The following RAD51AP2 variants were observed in gnomAD, a reference collection of about 807,000 sequenced individuals.
The protein encoded by RAD51AP2 is RAD51 associated protein 2.
A neutral mutation model predicts 85.5 loss-of-function variants in RAD51AP2; 67 were observed. The observed-to-expected ratio is 0.78, with a 90% CI of 0.64 to 0.96. The LOEUF is 0.96. RAD51AP2 is among the 40% of genes least tolerant of loss of function. The pLI is 0.00. For missense variants in RAD51AP2, 1,307 were observed against 1,332.4 expected (o/e 0.98, Z 0.30); for synonymous variants, 474 against 446.5 (o/e 1.06, Z -0.78).
upstream of RAD51AP2, among the ~76,000 whole-genome samples, chr2:17,521,008 C>A (rs928327560): frequency 1.3e-5 from 2 of 152,060 alleles, no homozygotes; most frequent in Admixed American, 1.3e-4. Context: ...AACTGTAGAA[C>A]ACTTAAAATG....
Position 17,517,814 on chromosome 2 carries a change from G to C in RAD51AP2, c.602C>G (p.Thr201Ser), listed in dbSNP as rs779122428. ...CTTAATTTCATGAAATGGTGATTTAGTTTCCTTGTAAAAGGTAACATCTAA... is the reference window on the plus strand; with the variant it reads ...CTTAATTTCATGAAATGGTGATTTACTTTCCTTGTAAAAGGTAACATCTAA... ...PFLDVTFYKE[T>S]KSPFHEIKNR... Residue 201 changes from threonine to serine, a missense_variant, in exon 1 of 3, where the codon ACT becomes AGT. Coordinates refer to ENST00000399080, the MANE Select transcript of RAD51AP2 (RefSeq NM_001099218.3). 7 of 1,614,046 alleles carry C rather than the reference G, an allele frequency of 4.3e-6. No homozygotes were observed. The East Asian group carries it at 1.3e-4, about 31-fold the overall frequency.
chr2:17,514,912 CTT>C (rs960087317), intron 1 of RAD51AP2, among the ~76,000 whole-genome samples: 2 of 143,160 alleles, frequency 1.4e-5, no homozygotes, highest in Admixed American at 7.0e-5. Flanking sequence ...ATGAAAACAC[CTT>C]TTTTTTTTTT....
the RAD51AP2 span, among the ~76,000 whole-genome samples, chr2:17,532,701 A>C: frequency 1.3e-5 from 2 of 152,112 alleles, no homozygotes; most frequent in African/African-American, 4.8e-5. Context: ...AAAACAAAAA[A>C]CTAGATAGAT....
chr2:17,513,016 C>G (rs62130399), intron 2 of RAD51AP2, among the ~76,000 whole-genome samples: 2 of 152,032 alleles, frequency 1.3e-5, no homozygotes, highest in Non-Finnish European at 2.9e-5. Flanking sequence ...TATATTTAAC[C>G]TACAATGTTA....
chr2:17,524,452 C>T, the RAD51AP2 span, among the ~76,000 whole-genome samples: 1 of 151,916 alleles, frequency 6.6e-6, no homozygotes, highest in Admixed American at 6.6e-5. Flanking sequence ...AGTCTGGAGA[C>T]TTAGGGGAGA....
chr2:17,536,349 T>A, the RAD51AP2 span, among the ~76,000 whole-genome samples: 5 of 152,166 alleles, frequency 3.3e-5, no homozygotes, highest in African/African-American at 7.2e-5. Context: ...TACAAAGTCA[T>A]GAATGAAAAG....
the RAD51AP2 span, among the ~76,000 whole-genome samples, chr2:17,536,698 T>C: frequency 0.029 from 4,482 of 152,274 alleles, 65 homozygotes; most frequent in Middle Eastern, 0.054. Flanking sequence ...TGAATTTAGA[T>C]CCAGTCATGG....
Position 17,515,191 on chromosome 2 carries a change from T to C in RAD51AP2, c.3225A>G (p.Leu1075=). 1 of 1,578,154 alleles carries C rather than the reference T, an allele frequency of 6.3e-7. No individual in the cohort carries two copies. Among genetic ancestry groups the C allele is most frequent in the South Asian group, 1.2e-5 (1 of 84,002 alleles). ...TACCTTTCTCAGAAGTAGAGTAAAG[T>C]AATTCTTCCTCTGATCTACTTGGAT... ...SCYPSRSEEE[L]LYSTSEKDCE... The change falls in exon 1 of 3, where the codon TTA becomes TTG. Residue 1075 remains leucine, a synonymous_variant. Transcript: ENST00000399080.
intron 2 of RAD51AP2, among the ~76,000 whole-genome samples, chr2:17,511,579 A>G (rs181998935): frequency 1.4e-5 from 2 of 147,142 alleles, no homozygotes; most frequent in East Asian, 1.9e-4. Context: ...TTTTTTAAAT[A>G]AACTGTGGGG....
chr2:17,534,963 C>T, the RAD51AP2 span, among the ~76,000 whole-genome samples: 737 of 152,208 alleles, frequency 4.8e-3, 7 homozygotes, highest in African/African-American at 0.017. Flanking sequence ...ATTCATTTTG[C>T]CTTTTGAAAT....
chr2:17,534,515 C>T, the RAD51AP2 span, among the ~76,000 whole-genome samples: 1 of 151,746 alleles, frequency 6.6e-6, no homozygotes, highest in Non-Finnish European at 1.5e-5. Context: ...TACCACTTTA[C>T]TTTTAGAAAG....
rs1390429283 is a variant in RAD51AP2 at position 17,514,075 on chromosome 2, G to A, written c.3265C>T (p.Pro1089Ser). 16 of 1,579,734 alleles carry A rather than the reference G, an allele frequency of 1.0e-5. No individual in the cohort carries two copies. The highest frequency in any genetic ancestry group is 1.4e-5 in the Non-Finnish European group (16 of 1,151,556). ...TSEKDCETPL[P>S]KRPAFLPDEC... ...TCAGGGAGAAAAGCAGGTCTTTTAG[G>A]TAAAGGTGTTTCACAATCTGAAAAT... The change falls in exon 2 of 3, where the codon CCT becomes TCT. Residue 1089 changes from proline (P) to serine (S), a missense_variant. Pro to Ser is a moderately conservative substitution (Grantham distance 74). This residue lies in a region of RAD51AP2 where 668 missense variants were observed against 671.0 expected (regional missense o/e 1.00). Coordinates refer to ENST00000399080, the MANE Select transcript of RAD51AP2 (RefSeq NM_001099218.3).
At chr2:17,524,126 T>C in the RAD51AP2 span, among the ~76,000 whole-genome samples, 1 of 151,968 alleles carries the variant, frequency 6.6e-6, no homozygotes, top group Non-Finnish European at 1.5e-5. Flanking sequence ...AACTTTGTCC[T>C]AGCTATTTTT....
In RAD51AP2 at chr2:17,516,768, G is replaced by T; in HGVS notation, c.1648C>A (p.Leu550Ile). The T allele has an allele frequency of 6.4e-7, 1 of 1,562,914 alleles. No homozygotes were observed. Among genetic ancestry groups the T allele is most frequent in the Non-Finnish European group, 8.7e-7 (1 of 1,149,762 alleles). Reference sequence around the variant, plus strand: ...TTTGTATTCATGTTTCTGGTTATTAGATTTTGAATACCAATTATACCAATT... The same window carrying T: ...TTTGTATTCATGTTTCTGGTTATTATATTTTGAATACCAATTATACCAATT... The part of the protein sequence containing the change: ...KQIGIIGIQN[L>I]ITRNMNTNIK... Residue 550 changes from leucine (L) to isoleucine (I), a missense_variant, in exon 1 of 3, where the codon CTA (leucine) becomes ATA (isoleucine). Transcript: ENST00000399080.
At position 17,516,218 on chromosome 2, in the gene RAD51AP2, G is replaced by A; in HGVS notation, c.2198C>T (p.Ala733Val). 4 of 1,613,104 alleles carry A rather than the reference G, an allele frequency of 2.5e-6. No homozygotes were observed. The highest frequency in any genetic ancestry group is 2.2e-5 in the East Asian group (1 of 44,832). ...WAHYNSSTVK[A>V]HGNSCPQFIQ... is the part of the protein sequence containing the mutation. ...AAATTGAGGACAAGAATTACCATGT[G>A]CTTTAACAGTACTAGAATTATAGTG... is the stretch of plus-strand genomic sequence containing the variant. The change falls in exon 1 of 3, where the codon GCA (alanine) becomes GTA (valine). Residue 733 changes from alanine to valine, a missense_variant. Transcript: ENST00000399080.
rs1319118437 is a variant in RAD51AP2 at position 17,518,321 on chromosome 2, C to T, written c.95G>A (p.Ser32Asn). 2 of 1,614,160 alleles carry T rather than the reference C, an allele frequency of 1.2e-6. No individual in the cohort carries two copies. Among genetic ancestry groups the T allele is most frequent in the East Asian group, 4.5e-5 (2 of 44,884 alleles). ...CTCCTCAAGACAGAGCCGCTTGCTA[C>T]TAGGTGGTTGGGAATCCGGGTCCTC... ...PPEDPDSQPP[S>N]SKRLCLEEPG... The change falls in exon 1 of 3, where the codon AGT becomes AAT. Residue 32 changes from serine to asparagine, a missense_variant. Coordinates refer to ENST00000399080, the MANE Select transcript of RAD51AP2 (RefSeq NM_001099218.3).
chr2:17,511,597 GTAAAACCAAACTGTGGGGTACATATA>G (rs1662496983), intron 2 of RAD51AP2, among the ~76,000 whole-genome samples: 2 of 152,078 alleles, frequency 1.3e-5, no homozygotes, highest in Non-Finnish European at 2.9e-5. Context: ...GGGTACATAT[GTAAAACCAAACTGTGGGGTACATATA>G]TAAAACCAAA....
rs1416965208 is a variant in RAD51AP2 at position 17,517,381 on chromosome 2, C to A, written c.1035G>T (p.Leu345Phe). ...SSQNTCKRKD[L>F]ISSNYCNCSS... Reference sequence around the variant, plus strand: ...TGCAGTTACAGTAGTTTGAACTGATCAAGTCTTTTCTCTTACAAGTATTTT... The same window carrying A: ...TGCAGTTACAGTAGTTTGAACTGATAAAGTCTTTTCTCTTACAAGTATTTT... Residue 345 changes from leucine (L) to phenylalanine (F), a missense_variant, in exon 1 of 3, where the codon TTG (leucine) becomes TTT (phenylalanine). Leu to Phe is a conservative substitution (Grantham distance 22). Around this residue, in one of 3 missense-constraint regions of RAD51AP2, gnomAD observed 635 missense variants for 643.6 expected, o/e 0.99. Coordinates refer to ENST00000399080, the MANE Select transcript of RAD51AP2 (RefSeq NM_001099218.3). The A allele has an allele frequency of 1.9e-6, 3 of 1,613,664 alleles. No individual in the cohort carries two copies. Among genetic ancestry groups the A allele is most frequent in the Non-Finnish European group, 2.5e-6 (3 of 1,179,850 alleles).
In RAD51AP2 at chr2:17,517,891, T is replaced by C. The variant is rs1165179628; in HGVS notation, c.525A>G (p.Arg175=). 3.7e-6 allele frequency: 6 copies of C among 1,614,240 alleles called. No homozygotes were observed. Among genetic ancestry groups the C allele is most frequent in the Non-Finnish European group, 5.1e-6 (6 of 1,180,040 alleles). Residue 175 remains arginine, a synonymous_variant, in exon 1 of 3, where the codon CGA becomes CGG. Coordinates refer to ENST00000399080, the MANE Select transcript of RAD51AP2 (RefSeq NM_001099218.3). Reference sequence around the variant, plus strand: ...CTCTTCCTTGGACAAACTGTTGTTTTCGATTCTCATTTCTAATTCCATGTA... The same window carrying C: ...CTCTTCCTTGGACAAACTGTTGTTTCCGATTCTCATTTCTAATTCCATGTA... ...HDIHGIRNEN[R]KQQFVQGRDN...
Sources: gnomAD v4.1 joint callset for allele counts (sites outside exome capture counted in the v4.1 genomes callset) on GRCh38, gnomAD v4.1.1 for gene constraint, gnomAD v4.1.1 regional missense constraint, MANE v1.5 for transcripts, NCBI Gene and HGNC (gene_info 2026-07-23, HGNC 2026-07-21) for gene names.